TULP4: variants seen among roughly 807,000 people sequenced by gnomAD.
TULP4 encodes TUB like protein 4.
In TULP4, 16 loss-of-function variants were observed where a neutral mutation model predicts 129.0. That is an observed-to-expected ratio of 0.12 (90% CI 0.08 to 0.19). TULP4 has a LOEUF of 0.19. Among genes scored for constraint, TULP4 ranks in the 10% least tolerant of loss-of-function variants. The probability of loss-of-function intolerance (pLI) is 1.00; values close to 1 mark genes in which losing one functional copy is unlikely to be tolerated. For missense variants in TULP4, 1,842 were observed against 2,059.1 expected (o/e 0.89, Z 2.04); for synonymous variants, 998 against 854.0 (o/e 1.17, Z -2.94).
intron 3 of TULP4, among the ~76,000 whole-genome samples, chr6:158,434,766 A>T (rs1562564811): frequency 6.6e-6 from 1 of 152,324 alleles, no homozygotes; most frequent in East Asian, 1.9e-4. Context: ...CAGCATTTCC[A>T]TGCTGAGTGT....
At chr6:158,308,155 G>A (rs561701163), upstream of TULP4, among the ~76,000 whole-genome samples, 2 of 45,754 alleles carry the variant, frequency 4.4e-5, no homozygotes, top group Non-Finnish European at 1.1e-4. Context: ...GCGGCCTTCC[G>A]CAGTGTTTGT....
chr6:158,426,410 A>C (rs1277405232), intron 2 of TULP4, among the ~76,000 whole-genome samples: 1 of 152,236 alleles, frequency 6.6e-6, no homozygotes, highest in African/African-American at 2.4e-5. Flanking sequence ...TGTATAAGAA[A>C]GGGGTCCAGT....
intron 1 of TULP4, among the ~76,000 whole-genome samples, chr6:158,239,955 A>C (rs1350190488): frequency 6.1e-5 from 3 of 49,338 alleles, no homozygotes; most frequent in Admixed American, 2.8e-4. Context: ...GACCCCCCCC[A>C]CCTCCCTCCC....
chr6:158,275,568 C>T (rs1043557082), intron 1 of TULP4, among the ~76,000 whole-genome samples: 1 of 152,202 alleles, frequency 6.6e-6, no homozygotes, highest in Non-Finnish European at 1.5e-5. Flanking sequence ...TTCTAACCCA[C>T]GGCAGCGCTT....
rs376102065 is a variant in TULP4, at chr6:158,481,201, C to T, written c.1398C>T (p.Gly466=). 37 of 1,614,102 alleles carry T rather than the reference C, an allele frequency of 2.3e-5. No individual in the cohort carries two copies. The highest frequency in any genetic ancestry group is 3.3e-5 in the Admixed American group (2 of 60,010). Residue 466 remains glycine, a synonymous_variant, in exon 8 of 14, where the codon GGC becomes GGT. Coordinates refer to ENST00000367097, the MANE Select transcript of TULP4 (RefSeq NM_020245.5). The stretch of plus-strand genomic sequence containing the variant: ...ACACGCTCTACCTGGAGTACCTGGG[C>T]GGGCTTGTGCCCATCCTCAAAGGGC... The part of the protein sequence containing the change: ...PCYTLYLEYL[G]GLVPILKGRR...
rs146358260 is a variant in TULP4 at position 158,429,549 on chromosome 6, G to A, written c.382-187G>A. Among the ~76,000 whole-genome samples, 8 of 152,272 alleles carry A rather than the reference G, an allele frequency of 5.3e-5. No homozygotes were observed. In the East Asian group the frequency reaches 1.5e-3, roughly 29 times the overall value. ...CTCACTTTGGCTTCCCAGCATTCTG[G>A]GTTTACAGGCATGAGGCACTGTGGC... is the stretch of plus-strand genomic sequence containing the variant. On this transcript the variant is annotated intron_variant, in intron 2 of 13. Coordinates refer to ENST00000367097, the MANE Select transcript of TULP4 (RefSeq NM_020245.5).
intron 1 of TULP4, among the ~76,000 whole-genome samples, chr6:158,277,201 A>T (rs1045567322): frequency 3.9e-5 from 6 of 152,170 alleles, no homozygotes; most frequent in Non-Finnish European, 5.9e-5. Context: ...TCAGCCTCCC[A>T]AAGTGCTGGG....
Position 158,392,870 on chromosome 6 carries a change from G to A in TULP4, c.253-20195G>A, listed in dbSNP as rs1296908863. Reference sequence around the variant, plus strand: ...GGCTGGAGTGCAGTGGCGTGATCTCGGCTTGCTGCAACCTCCACCTTCTGG... The same window carrying A: ...GGCTGGAGTGCAGTGGCGTGATCTCAGCTTGCTGCAACCTCCACCTTCTGG... On this transcript the variant is annotated intron_variant, in intron 1 of 13. Coordinates refer to ENST00000367097, the MANE Select transcript of TULP4 (RefSeq NM_020245.5). 3.5e-4 allele frequency among the ~76,000 whole-genome samples: 46 copies of A among 133,168 alleles called. 1 individual carries two copies. The highest frequency in any genetic ancestry group is 2.4e-4 in the South Asian group (1 of 4,216). The allele number at this position is 133,168 out of a possible 152,430, so 87.4% of individuals were successfully genotyped here.
Position 158,319,268 on chromosome 6 carries a change from T to C in TULP4, c.252+5000T>C, listed in dbSNP as rs1779568432. The stretch of plus-strand genomic sequence containing the variant: ...AGGACTTTGCTAAGATTTAAAAAAT[T>C]CTGAATTCAAAATACTTGTCTCTAA... On this transcript the variant is annotated intron_variant, in intron 1 of 13. Transcript: ENST00000367097. Among the ~76,000 whole-genome samples, 3 of 152,302 alleles carry C rather than the reference T, an allele frequency of 2.0e-5. No homozygotes were observed. The South Asian group carries it at 6.2e-4, about 32-fold the overall frequency.
chr6:158,373,911 C>T (rs1777127147), intron 1 of TULP4, among the ~76,000 whole-genome samples: 1 of 152,104 alleles, frequency 6.6e-6, no homozygotes, highest in South Asian at 2.1e-4. Flanking sequence ...GGAGACCTTA[C>T]TAATGAGAAT....
chr6:158,469,702 G>A (rs1009492248), intron 6 of TULP4, among the ~76,000 whole-genome samples: 3 of 152,014 alleles, frequency 2.0e-5, no homozygotes, highest in African/African-American at 7.2e-5. Flanking sequence ...CCACATGGAG[G>A]CCATAGTTGG....
At chr6:158,284,388 C>T (rs1778804045) in intron 1 of TULP4, among the ~76,000 whole-genome samples, 1 of 152,214 alleles carries the variant, frequency 6.6e-6, no homozygotes, top group South Asian at 2.1e-4. Flanking sequence ...GAGCCCAGGG[C>T]TGCTTGGCAG....
chr6:158,375,407 G>A (rs1777160713), intron 1 of TULP4, among the ~76,000 whole-genome samples: 2 of 152,186 alleles, frequency 1.3e-5, no homozygotes, highest in African/African-American at 4.8e-5. Context: ...TAAATGAGAG[G>A]TGGTCTTTCC....
intron 1 of TULP4, among the ~76,000 whole-genome samples, chr6:158,388,322 CTTTTTTTTTTTT>C (rs10650311): frequency 7.0e-5 from 6 of 86,260 alleles, no homozygotes; most frequent in East Asian, 8.4e-4. Context: ...GCTCGTTTTT[CTTTTTTTTTTTT>C]TTTTTTTTTT....
intron 11 of TULP4, 28 bp downstream of exon 11, chr6:158,494,874 G>T (rs1347410579): frequency 1.2e-6 from 2 of 1,600,468 alleles, no homozygotes; most frequent in African/African-American, 1.3e-5. Context: ...TTCTCTCATT[G>T]TCCCAGTTGG....
At chr6:158,250,890 A>G (rs555320486) in intron 1 of TULP4, among the ~76,000 whole-genome samples, 6 of 152,346 alleles carry the variant, frequency 3.9e-5, no homozygotes, top group South Asian at 4.1e-4. Context: ...CCAGTGATCT[A>G]TGGAGGTCAG....
intron 1 of TULP4, among the ~76,000 whole-genome samples, chr6:158,272,748 A>G (rs990122534): frequency 6.6e-6 from 1 of 152,206 alleles, no homozygotes; most frequent in Admixed American, 6.5e-5. Context: ...CTTCTTAATC[A>G]CTACTGCTTT....
At position 158,236,795 on chromosome 6, in the gene TULP4, C is replaced by CTTT. The variant is rs71030149; in HGVS notation, n.68+4526_68+4528dup. Among the ~76,000 whole-genome samples the CTTT allele has an allele frequency of 1.1e-3, 71 of 63,262 alleles. 14 individuals are homozygous for CTTT. The highest frequency in any genetic ancestry group is 1.6e-3 in the Non-Finnish European group (52 of 32,202). The allele number at this position is 63,262 out of a possible 152,430, so 41.5% of individuals were successfully genotyped here. A position where few individuals can be genotyped will look rare whatever the true frequency, so the allele number is the denominator to read the frequency against. On this transcript the variant is annotated intron_variant and non_coding_transcript_variant, in intron 1 of 1. Coordinates refer to the TULP4 transcript ENST00000620026. ...AGATGGGTAAATGCCCAATTCTTTTCTTTTTTTTTTTTTTTTTTTTTTTTT... is the reference window on the plus strand; with the variant it reads ...AGATGGGTAAATGCCCAATTCTTTTCTTTTTTTTTTTTTTTTTTTTTTTTTTTT...
Position 158,503,545 on chromosome 6 carries a change from A to G in TULP4, c.3882A>G (p.Pro1294=). The change falls in exon 13 of 14, where the codon CCA becomes CCG. Residue 1294 remains proline, a synonymous_variant. Coordinates refer to ENST00000367097, the MANE Select transcript of TULP4 (RefSeq NM_020245.5). This position sits in a 1 kb window ranked among gnomAD's most constrained non-coding sequence, Gnocchi z 4.3. ...TGGTGGAGAAGCCCCTTGTGTCCCCACCACCTGCCGACCTCCAAAGCCACT... is the reference window on the plus strand; with the variant it reads ...TGGTGGAGAAGCCCCTTGTGTCCCCGCCACCTGCCGACCTCCAAAGCCACT... ...HLVVEKPLVS[P]PPADLQSHLG... 1 of 1,613,836 alleles carries G rather than the reference A, an allele frequency of 6.2e-7. No homozygotes were observed. Among genetic ancestry groups the G allele is most frequent in the African/African-American group, 1.3e-5 (1 of 74,984 alleles).
Sources: allele counts gnomAD v4.1 joint callset (sites outside exome capture counted in the v4.1 genomes callset), GRCh38; gene constraint gnomAD v4.1.1; non-coding constraint Gnocchi (gnomAD v3.1); transcripts MANE v1.5; gene names NCBI Gene and HGNC (gene_info 2026-07-23, HGNC 2026-07-21).